The following ARHGEF10L variants were observed in gnomAD, a reference collection of about 807,000 sequenced individuals.
ARHGEF10L encodes Rho guanine nucleotide exchange factor 10 like.
Under a neutral mutation model 141.2 loss-of-function variants are expected in ARHGEF10L, and 69 were observed. That is an observed-to-expected ratio of 0.49 (90% CI 0.40 to 0.60). ARHGEF10L has a LOEUF of 0.60. ARHGEF10L is among the 20% of genes least tolerant of loss of function. The probability of loss-of-function intolerance (pLI) is 0.00; values close to 1 mark genes in which losing one functional copy is unlikely to be tolerated. For synonymous variants in ARHGEF10L, 711 were observed against 718.5 expected (o/e 0.99, Z 0.17); for missense variants, 1,482 against 1,734.3 (o/e 0.85, Z 2.58).
At chr1:17,667,803 G>A (rs774671159) in intron 26 of ARHGEF10L, among the ~76,000 whole-genome samples, 4 of 152,186 alleles carry the variant, frequency 2.6e-5, no homozygotes, top group Non-Finnish European at 5.9e-5. Flanking sequence ...AGGCTCTTCA[G>A]GCAGCTCAGG....
chr1:17,588,912 T>G (rs1246143482), intron 4 of ARHGEF10L, among the ~76,000 whole-genome samples: 224 of 3,454 alleles, frequency 0.065, no homozygotes, highest in African/African-American at 0.07. Flanking sequence ...TGGGGGAGGT[T>G]GGGGGGGTTT....
At position 17,634,946 on chromosome 1, in the gene ARHGEF10L, C is replaced by G; in HGVS notation, c.1857C>G (p.Thr619=). The G allele has an allele frequency of 6.2e-7, 1 of 1,614,102 alleles. No homozygotes were observed. The highest frequency in any genetic ancestry group is 1.1e-5 in the South Asian group (1 of 91,080). The change falls in exon 18 of 29, where the codon ACC becomes ACG. Residue 619 remains threonine, a synonymous_variant. Transcript: ENST00000361221. ...QVVEVGQDGG[T]YDKDNVLIQH... is the part of the protein sequence containing the mutation. ...TGGAGGTGGGCCAGGACGGTGGCAC[C>G]TATGACAAGGACAATGTGCTCATCC...
intron 15 of ARHGEF10L, 87 bp from the exon 16 acceptor site, chr1:17,632,234 C>T: frequency 1.3e-6 from 2 of 1,550,738 alleles, no homozygotes; most frequent in African/African-American, 1.4e-5. Flanking sequence ...GTCTCCCTTT[C>T]TGCACCATGG....
intron 2 of ARHGEF10L, 138 bp downstream of exon 2, chr1:17,580,770 CG>C: frequency 1.0e-6 from 1 of 989,932 alleles, no homozygotes; most frequent in Non-Finnish European, 1.6e-6. Context: ...CTGCCTGGGC[CG>C]CATCCTCTAT....
the ARHGEF10L span, among the ~76,000 whole-genome samples, chr1:17,523,615 CA>C: frequency 2.6e-5 from 4 of 152,196 alleles, no homozygotes; most frequent in African/African-American, 9.6e-5. Flanking sequence ...AGTCACCACC[CA>C]AGGTCACACA....
rs141299350 is a variant in ARHGEF10L at position 17,676,208 on chromosome 1, G to A, written c.3010-11365G>A. Among the ~76,000 whole-genome samples, 944 of 148,050 alleles carry A rather than the reference G, an allele frequency of 6.4e-3. 4 individuals carry two copies. Among genetic ancestry groups the A allele is most frequent in the Middle Eastern group, 0.019 (5 of 262 alleles). On this transcript the variant is annotated intron_variant, in intron 26 of 28. Transcript: ENST00000361221. ...TACAGGTGTAGGTGCAGGCATAGGTGCAGGTGTGGGTACAGGTGTATGTTC... is the reference window on the plus strand; with the variant it reads ...TACAGGTGTAGGTGCAGGCATAGGTACAGGTGTGGGTACAGGTGTATGTTC...
In ARHGEF10L at chr1:17,673,672, G is replaced by GCTGCC. The variant is rs2063469890; in HGVS notation, c.3009+9079_3009+9083dup. On this transcript the variant is annotated intron_variant, in intron 26 of 28. Coordinates refer to ENST00000361221, the MANE Select transcript of ARHGEF10L (RefSeq NM_018125.4). This position sits in a 1 kb window ranked among gnomAD's most constrained non-coding sequence, Gnocchi z 4.1. ...GCAACCTCTGCAGGAGGCATTCCCG[G>GCTGCC]CTGCCCCTGCATGCCTTGTCTGAGT... Among the ~76,000 whole-genome samples, 1 of 152,202 alleles carries GCTGCC rather than the reference G, an allele frequency of 6.6e-6. No individual in the cohort carries two copies. The highest frequency in any genetic ancestry group is 1.5e-5 in the Non-Finnish European group (1 of 68,020).
At chr1:17,652,908 C>T (rs961327355) in intron 22 of ARHGEF10L, among the ~76,000 whole-genome samples, 10 of 152,186 alleles carry the variant, frequency 6.6e-5, no homozygotes, top group Non-Finnish European at 2.9e-5. Flanking sequence ...GCTCATTGGG[C>T]TGTGTCTTGA....
At chr1:17,559,768 C>T (rs1053796328) in intron 1 of ARHGEF10L, among the ~76,000 whole-genome samples, 1 of 152,120 alleles carries the variant, frequency 6.6e-6, no homozygotes, top group Non-Finnish European at 1.5e-5. Flanking sequence ...GAACAAGGTG[C>T]TACAGGGGCA....
intron 7 of ARHGEF10L, among the ~76,000 whole-genome samples, chr1:17,609,440 C>T (rs752861469): frequency 2.6e-5 from 4 of 152,174 alleles, no homozygotes; most frequent in Non-Finnish European, 5.9e-5. Flanking sequence ...TGTGCCTAGT[C>T]CATATCTTCA....
At chr1:17,528,913 TGTC>T in the ARHGEF10L span, among the ~76,000 whole-genome samples, 1 of 152,198 alleles carries the variant, frequency 6.6e-6, no homozygotes, top group South Asian at 2.1e-4. Flanking sequence ...GCTCAGGTCT[TGTC>T]GTGTAGCAAA....
chr1:17,525,709 TTAAAG>T, the ARHGEF10L span, among the ~76,000 whole-genome samples: 2 of 151,912 alleles, frequency 1.3e-5, no homozygotes, highest in African/African-American at 4.8e-5. Context: ...TAATTTTTTT[TTAAAG>T]TAAAGAGGCT....
intron 25 of ARHGEF10L, among the ~76,000 whole-genome samples, chr1:17,661,337 C>G (rs552454158): frequency 2.6e-5 from 4 of 152,368 alleles, no homozygotes; most frequent in Admixed American, 2.0e-4. Context: ...CCCGGCCTCC[C>G]AAAGTGTTGG....
chr1:17,602,008 C>T, intron 4 of ARHGEF10L, 119 bp from the exon 5 acceptor site: 3 of 881,854 alleles, frequency 3.4e-6, no homozygotes, highest in Non-Finnish European at 5.1e-6. Flanking sequence ...CAGGTCTCCC[C>T]AGCAGCCTGG....
intron 2 of ARHGEF10L, among the ~76,000 whole-genome samples, chr1:17,582,270 C>T (rs943070304): frequency 2.6e-5 from 4 of 152,168 alleles, no homozygotes; most frequent in African/African-American, 4.8e-5. Flanking sequence ...TCCCTTTCCT[C>T]TCCCCACCAA....
chr1:17,561,468 T>C (rs2256114), intron 1 of ARHGEF10L, among the ~76,000 whole-genome samples: 81,080 of 152,074 alleles, frequency 0.53, 24,082 homozygotes, highest in African/African-American at 0.8. Context: ...GCAGCCCCAA[T>C]GAGCCCTCTG....
chr1:17,634,771 T>C, intron 17 of ARHGEF10L, 64 bp from the exon 18 acceptor site: 1 of 1,519,670 alleles, frequency 6.6e-7, no homozygotes, highest in Non-Finnish European at 8.9e-7. Context: ...AGCAATGCCC[T>C]GGGCCAGCCC....
chr1:17,670,329 G>C (rs796196430), intron 26 of ARHGEF10L, among the ~76,000 whole-genome samples: 1 of 152,366 alleles, frequency 6.6e-6, no homozygotes, highest in African/African-American at 2.4e-5. Flanking sequence ...TCAGCTCCTT[G>C]ATCCCAGCAG....
At chr1:17,570,448 T>C (rs1246265092) in intron 1 of ARHGEF10L, among the ~76,000 whole-genome samples, 1 of 151,334 alleles carries the variant, frequency 6.6e-6, no homozygotes, top group Non-Finnish European at 1.5e-5. Flanking sequence ...GCAAAGGCCC[T>C]GAGGCAGAAA....
Sources: allele counts gnomAD v4.1 joint callset (sites outside exome capture counted in the v4.1 genomes callset), GRCh38; gene constraint gnomAD v4.1.1; non-coding constraint Gnocchi (gnomAD v3.1); transcripts MANE v1.5; gene names NCBI Gene and HGNC (gene_info 2026-07-23, HGNC 2026-07-21).